TIMP2: variants seen among roughly 807,000 people sequenced by gnomAD.
TIMP2 encodes the protein TIMP metallopeptidase inhibitor 2.
Under a neutral mutation model 24.3 loss-of-function variants are expected in TIMP2, and 5 were observed. The ratio of observed to expected loss-of-function variants is 0.21; its 90% CI spans 0.11 to 0.43. The LOEUF is 0.43. Among genes scored for constraint, TIMP2 ranks in the 20% least tolerant of loss-of-function variants. The pLI, the probability that TIMP2 is intolerant of heterozygous loss-of-function variation, is 1.00. For synonymous variants in TIMP2, 130 were observed against 123.2 expected, an observed-to-expected ratio of 1.06 and a Z score of -0.37; for missense variants, 221 against 297.5, an observed-to-expected ratio of 0.74 and a Z score of 1.89.
intron 2 of TIMP2, among the ~76,000 whole-genome samples, chr17:78,871,573 G>A (rs1424013186): frequency 2.0e-5 from 3 of 151,874 alleles, no homozygotes; most frequent in Non-Finnish European, 4.4e-5. Flanking sequence ...TGTGCCGGGC[G>A]AAGTGGCTCA....
chr17:78,860,154 T>C (rs1201283106), intron 3 of TIMP2, among the ~76,000 whole-genome samples: 2 of 151,936 alleles, frequency 1.3e-5, no homozygotes, highest in Non-Finnish European at 2.9e-5. Context: ...CCAGCCTGGG[T>C]GACAGAGTAA....
At chr17:78,857,878 T>G (rs1278508894) in intron 3 of TIMP2, among the ~76,000 whole-genome samples, 2 of 151,472 alleles carry the variant, frequency 1.3e-5, no homozygotes, top group Non-Finnish European at 2.9e-5. Context: ...AAGACCAGCC[T>G]GGCCAACGTG....
chr17:78,890,792 G>T, intron 1 of TIMP2: 1 of 1,550,624 alleles, frequency 6.4e-7, no homozygotes, highest in Non-Finnish European at 8.7e-7. Context: ...TGGGGAAGTG[G>T]TGCTGAGCTC....
chr17:78,868,633 A>C (rs1455593301), intron 3 of TIMP2, among the ~76,000 whole-genome samples: 1 of 152,142 alleles, frequency 6.6e-6, no homozygotes, highest in African/African-American at 2.4e-5. Context: ...TAACTGGCTG[A>C]GTCAGTGCCA....
intron 1 of TIMP2, among the ~76,000 whole-genome samples, chr17:78,884,822 C>G (rs1269804742): frequency 6.6e-6 from 1 of 152,244 alleles, no homozygotes; most frequent in Non-Finnish European, 1.5e-5. Context: ...GGAGGGTGCT[C>G]TACCCACCCG....
At chr17:78,917,087 C>T (rs1207545401) in intron 1 of TIMP2, among the ~76,000 whole-genome samples, 2 of 152,058 alleles carry the variant, frequency 1.3e-5, no homozygotes, top group African/African-American at 4.8e-5. Flanking sequence ...CCCGTCTCTA[C>T]TAAAAATACA....
At chr17:78,872,964 G>A (rs1365550382) in intron 2 of TIMP2, among the ~76,000 whole-genome samples, 2 of 152,026 alleles carry the variant, frequency 1.3e-5, no homozygotes, top group African/African-American at 4.8e-5. Flanking sequence ...AAGTAGCTGG[G>A]ATCACAGGCA....
intron 3 of TIMP2, among the ~76,000 whole-genome samples, chr17:78,862,652 G>A (rs2069577085): frequency 1.3e-5 from 2 of 152,220 alleles, no homozygotes; most frequent in African/African-American, 2.4e-5. Flanking sequence ...CGGATCCATC[G>A]CCCAGGTAGT....
chr17:78,864,878 C>T (rs2069596918), intron 3 of TIMP2, among the ~76,000 whole-genome samples: 1 of 151,792 alleles, frequency 6.6e-6, no homozygotes, highest in South Asian at 2.1e-4. Context: ...ATGATGAAAC[C>T]CCGTCTCTAC....
chr17:78,899,082 A>G (rs566588555), intron 1 of TIMP2: 3 of 151,420 alleles, frequency 2.0e-5, no homozygotes, highest in Non-Finnish European at 4.4e-5. Flanking sequence ...GTGAGCCCCC[A>G]CGCCCGCCAG....
chr17:78,910,511 C>A (rs1180532487), intron 1 of TIMP2, among the ~76,000 whole-genome samples: 1 of 152,134 alleles, frequency 6.6e-6, no homozygotes, highest in Non-Finnish European at 1.5e-5. Context: ...TACATTAATC[C>A]AACAGTGACA....
chr17:78,860,245 G>A (rs2069557194), intron 3 of TIMP2, among the ~76,000 whole-genome samples: 1 of 152,158 alleles, frequency 6.6e-6, no homozygotes, highest in Non-Finnish European at 1.5e-5. Context: ...CCCTTGTGAA[G>A]AGACACAGGT....
chr17:78,909,263 G>A (rs1944972083), intron 1 of TIMP2, among the ~76,000 whole-genome samples: 1 of 152,060 alleles, frequency 6.6e-6, no homozygotes. Flanking sequence ...GCTGAAGTGG[G>A]AGGACTGCTT....
chr17:78,858,165 AG>A (rs2069540065), intron 3 of TIMP2, among the ~76,000 whole-genome samples: 1 of 152,128 alleles, frequency 6.6e-6, no homozygotes, highest in South Asian at 2.1e-4. Context: ...CTTCCTGGCC[AG>A]GGGCGGTGGC....
rs905863682 is a variant in TIMP2, at chr17:78,897,078, C to T, written c.131-23159G>A. ...CTCCACCCAGGCAGCGTGGAAGTGCCAGGGCCCACAGACAGCACCCCCCCG... is the reference window on the plus strand; with the variant it reads ...CTCCACCCAGGCAGCGTGGAAGTGCTAGGGCCCACAGACAGCACCCCCCCG... On this transcript the variant is annotated intron_variant, in intron 1 of 4. Transcript: ENST00000262768. 1.2e-5 allele frequency: 10 copies of T among 837,672 alleles called. No homozygotes were observed. In the African/African-American group the frequency reaches 2.0e-4, roughly 16 times the overall value. The allele number at this position is 837,672 out of a possible 1,614,324, so 51.9% of individuals were successfully genotyped here. A position where few individuals can be genotyped will look rare whatever the true frequency, so the allele number is the denominator to read the frequency against.
chr17:78,854,692 T>A lies in TIMP2; in HGVS notation c.*975A>T, dbSNP rs2069509446. On this transcript the variant is annotated 3_prime_UTR_variant, in exon 5 of 5. Coordinates refer to ENST00000262768, the MANE Select transcript of TIMP2 (RefSeq NM_003255.5). ...CTGGGAGGGCACAGCAAGACCCAGC[T>A]TTTTCTGTCCTCAGGATGTGCAGAT... 6.6e-6 allele frequency: 1 copy of A among 152,048 alleles called. No individual in the cohort carries two copies. The highest frequency in any genetic ancestry group is 1.5e-5 in the Non-Finnish European group (1 of 68,088). 9.4% of individuals were successfully genotyped at this position (152,048 alleles called of 1,614,324 possible).
At chr17:78,917,897 C>T (rs1351059161) in intron 1 of TIMP2, among the ~76,000 whole-genome samples, 2 of 152,172 alleles carry the variant, frequency 1.3e-5, no homozygotes, top group Non-Finnish European at 2.9e-5. Context: ...TCGTTACCAT[C>T]GCTCAGCTCC....
intron 3 of TIMP2, among the ~76,000 whole-genome samples, chr17:78,858,661 T>C (rs916779150): frequency 2.0e-5 from 3 of 152,104 alleles, no homozygotes; most frequent in South Asian, 2.1e-4. Context: ...GCTGGGACTA[T>C]AGGTGTGAAC....
chr17:78,874,186 G>A (rs1159696036), intron 1 of TIMP2: 3 of 456,810 alleles, frequency 6.6e-6, no homozygotes, highest in Admixed American at 3.9e-5. Context: ...CAAGCCAGAA[G>A]CCCAGAGTCC....
Sources: gnomAD v4.1 joint callset for allele counts (sites outside exome capture counted in the v4.1 genomes callset) on GRCh38, gnomAD v4.1.1 for gene constraint, MANE v1.5 for transcripts, NCBI Gene and HGNC (gene_info 2026-07-23, HGNC 2026-07-21) for gene names.